RIMBP2: variants seen among roughly 807,000 people sequenced by gnomAD.
RIMBP2 encodes the protein RIMS binding protein 2.
RIMBP2 carries 48 observed loss-of-function variants against 118.6 expected under a neutral mutation model. The observed-to-expected ratio is 0.40, with a 90% CI of 0.32 to 0.51. RIMBP2 has a LOEUF of 0.51. Among genes scored for constraint, RIMBP2 ranks in the 20% least tolerant of loss-of-function variants. The probability of loss-of-function intolerance (pLI) is 0.41; values close to 1 mark genes in which losing one functional copy is unlikely to be tolerated. For synonymous variants in RIMBP2, 762 were observed against 742.9 expected (o/e 1.03, Z -0.42); for missense variants, 1,551 against 1,768.3 (o/e 0.88, Z 2.20).
In RIMBP2 at chr12:130,450,104, A is replaced by G; in HGVS notation, c.581+96T>C. 1 of 785,756 alleles carries G rather than the reference A, an allele frequency of 1.3e-6. No individual in the cohort carries two copies. The highest frequency in any genetic ancestry group is 2.7e-4 in the Middle Eastern group (1 of 3,714). 48.7% of individuals were successfully genotyped at this position (785,756 alleles called of 1,614,324 possible). A position where few individuals can be genotyped will look rare whatever the true frequency, so the allele number is the denominator to read the frequency against. On this transcript the variant is annotated intron_variant, in intron 9 of 22. Transcript: ENST00000690449. This position sits in a 1 kb window ranked among gnomAD's most constrained non-coding sequence, Gnocchi z 4.8. The stretch of plus-strand genomic sequence containing the variant: ...TCCCACCTTCTCCTCGTGCCCTGGG[A>G]GAAGGGAACTTCTCAGACCCCAGAG...
Position 130,446,713 on chromosome 12 carries a change from G to A in RIMBP2, c.582-1444C>T, listed in dbSNP as rs1270652021. ...GGAGGAGAGAGATGAGGTTGGCAGG[G>A]ACCAGACTGGTTTTAACCTGATCTC... is the stretch of plus-strand genomic sequence containing the variant. On this transcript the variant is annotated intron_variant, in intron 9 of 22. Transcript: ENST00000690449. The surrounding 1 kb of genome is among the most constrained non-coding windows in gnomAD (Gnocchi z 4.1). 6.6e-6 allele frequency among the ~76,000 whole-genome samples: 1 copy of A among 152,204 alleles called. No individual in the cohort carries two copies.
At chr12:130,427,980 T>C (rs1020926020) in intron 15 of RIMBP2, 199 bp downstream of exon 15, 4 of 517,164 alleles carry the variant, frequency 7.7e-6, no homozygotes, top group Non-Finnish European at 1.3e-5. Flanking sequence ...TACCCAGACC[T>C]TTTGGCCAAG....
At chr12:130,636,402 G>C (rs2051181733) in intron 1 of RIMBP2, among the ~76,000 whole-genome samples, 1 of 152,144 alleles carries the variant, frequency 6.6e-6, no homozygotes, top group Non-Finnish European at 1.5e-5. Context: ...TTTACCAGCT[G>C]GTTCTGTGCA....
At chr12:130,407,637 G>T in intron 20 of RIMBP2, 89 bp downstream of exon 20, 1 of 998,638 alleles carries the variant, frequency 1.0e-6, no homozygotes. Context: ...GAATGAGGAG[G>T]TGAACACACG....
chr12:130,555,462 C>G (rs1333872787), intron 2 of RIMBP2, among the ~76,000 whole-genome samples: 1 of 152,150 alleles, frequency 6.6e-6, no homozygotes, highest in Non-Finnish European at 1.5e-5. Flanking sequence ...CTTTATTCCA[C>G]TTAATGAACT....
At chr12:130,437,947 T>C (rs1327128868) in intron 12 of RIMBP2, among the ~76,000 whole-genome samples, 1 of 152,192 alleles carries the variant, frequency 6.6e-6, no homozygotes, top group Non-Finnish European at 1.5e-5. Flanking sequence ...ACCAGGGATA[T>C]ACCCATTTCT....
intron 6 of RIMBP2, among the ~76,000 whole-genome samples, chr12:130,461,670 C>T (rs983084946): frequency 9.9e-5 from 15 of 152,206 alleles, no homozygotes; most frequent in Admixed American, 8.5e-4. Flanking sequence ...GCTGTCCTTG[C>T]CATAATGAGC....
At chr12:130,454,231 C>T (rs139425705) in intron 7 of RIMBP2, among the ~76,000 whole-genome samples, 25 of 152,176 alleles carry the variant, frequency 1.6e-4, no homozygotes, top group Admixed American at 5.2e-4. Flanking sequence ...TATGTTACAT[C>T]GGATCAAGTT....
chr12:130,458,424 G>A (rs995794223), intron 6 of RIMBP2, among the ~76,000 whole-genome samples: 2 of 152,106 alleles, frequency 1.3e-5, no homozygotes, highest in Non-Finnish European at 2.9e-5. Flanking sequence ...TCTGCAGGTG[G>A]GATGACGACT....
Position 130,442,152 on chromosome 12 carries a change from C to G in RIMBP2, c.1200G>C (p.Thr400=), listed in dbSNP as rs149109982. The G allele has an allele frequency of 6.2e-7, 1 of 1,614,052 alleles. No individual in the cohort carries two copies. The highest frequency in any genetic ancestry group is 8.5e-7 in the Non-Finnish European group (1 of 1,180,030). ...CCACCACGTCCTTGCCCACCAGCAG[C>G]GTGCACTGCAGCTCATCCGAGCTGC... ...SRGSSDELQC[T]LLVGKDVVVA... is the part of the protein sequence containing the mutation. Residue 400 remains threonine (T), a synonymous_variant, in exon 11 of 23, where the codon ACG becomes ACC. Transcript: ENST00000690449. This position sits in a 1 kb window ranked among gnomAD's most constrained non-coding sequence, Gnocchi z 6.9.
intron 4 of RIMBP2, among the ~76,000 whole-genome samples, chr12:130,494,185 C>T (rs1274827667): frequency 2.0e-5 from 3 of 152,150 alleles, no homozygotes; most frequent in South Asian, 2.1e-4. Context: ...AGGGACAGAG[C>T]GGTTCAGAAG....
At chr12:130,466,958 A>C (rs1172149227) in intron 6 of RIMBP2, among the ~76,000 whole-genome samples, 1 of 152,240 alleles carries the variant, frequency 6.6e-6, no homozygotes, top group Non-Finnish European at 1.5e-5. Context: ...GGCTCATCAG[A>C]GACTCAAAAG....
At chr12:130,664,673 C>T (rs983148668) in intron 1 of RIMBP2, among the ~76,000 whole-genome samples, 1 of 151,660 alleles carries the variant, frequency 6.6e-6, no homozygotes, top group Non-Finnish European at 1.5e-5. Flanking sequence ...GATCCTACAG[C>T]ATCTCATTTC....
intron 1 of RIMBP2, among the ~76,000 whole-genome samples, chr12:130,707,493 T>C (rs926904139): frequency 6.6e-6 from 1 of 151,904 alleles, no homozygotes; most frequent in African/African-American, 2.4e-5. Flanking sequence ...CTGAACAACA[T>C]GATGAGTGAG....
chr12:130,661,372 A>C (rs7965158), intron 1 of RIMBP2, among the ~76,000 whole-genome samples: 1 of 151,634 alleles, frequency 6.6e-6, no homozygotes, highest in Non-Finnish European at 1.5e-5. Flanking sequence ...AACTAGCCTC[A>C]GCATTGTTGT....
At chr12:130,476,461 A>G (rs1371271088) in intron 5 of RIMBP2, among the ~76,000 whole-genome samples, 2 of 152,150 alleles carry the variant, frequency 1.3e-5, no homozygotes, top group Non-Finnish European at 2.9e-5. Flanking sequence ...TGCAGGCACC[A>G]CTGCCTGGTG....
intron 1 of RIMBP2, among the ~76,000 whole-genome samples, chr12:130,634,312 G>A (rs10219615): frequency 0.016 from 2,382 of 152,286 alleles, 69 homozygotes; most frequent in African/African-American, 0.053. Context: ...GTGTTGGGAA[G>A]GAATCTGAAG....
chr12:130,673,394 C>A (rs1201199212), intron 1 of RIMBP2, among the ~76,000 whole-genome samples: 1 of 152,202 alleles, frequency 6.6e-6, no homozygotes, highest in African/African-American at 2.4e-5. Flanking sequence ...CCCCCAAAAC[C>A]AAACCTGGAG....
intron 1 of RIMBP2, among the ~76,000 whole-genome samples, chr12:130,682,698 T>G (rs2064853095): frequency 6.6e-6 from 1 of 152,228 alleles, no homozygotes; most frequent in African/African-American, 2.4e-5. Flanking sequence ...TTTGTGACAC[T>G]GAGCTGTGAG....
Sources: allele counts gnomAD v4.1 joint callset (sites outside exome capture counted in the v4.1 genomes callset), GRCh38; gene constraint gnomAD v4.1.1; non-coding constraint Gnocchi (gnomAD v3.1); transcripts MANE v1.5; gene names NCBI Gene and HGNC (gene_info 2026-07-23, HGNC 2026-07-21).